The following SMAP2 variants were observed in gnomAD, a reference collection of about 807,000 sequenced individuals.
SMAP2 encodes small ArfGAP2, also known as stromal membrane-associated protein 2.
SMAP2 carries 25 observed loss-of-function variants against 56.4 expected under a neutral mutation model. That is an observed-to-expected ratio of 0.44 (90% CI 0.32 to 0.62). The LOEUF is 0.62. Among genes scored for constraint, SMAP2 ranks in the 20% least tolerant of loss-of-function variants. The pLI is 0.04. For missense variants in SMAP2, 388 were observed against 545.6 expected, an observed-to-expected ratio of 0.71 and a Z score of 2.88; for synonymous variants, 157 against 181.7, an observed-to-expected ratio of 0.86 and a Z score of 1.09.
chr1:40,416,634 G>A, intron 8 of SMAP2, 146 bp from the exon 9 acceptor site: 2 of 889,056 alleles, frequency 2.2e-6, no homozygotes, highest in South Asian at 1.8e-5. Flanking sequence ...GGCCTCGTAG[G>A]GACTCTAACT....
At chr1:40,348,193 A>G (rs947473740) in intron 1 of SMAP2, among the ~76,000 whole-genome samples, 5 of 152,216 alleles carry the variant, frequency 3.3e-5, no homozygotes, top group African/African-American at 9.6e-5. Context: ...GTATTCAACT[A>G]TAATTATTGC....
intron 1 of SMAP2, among the ~76,000 whole-genome samples, chr1:40,389,220 C>T (rs567638544): frequency 6.6e-6 from 1 of 152,336 alleles, no homozygotes; most frequent in South Asian, 2.1e-4. Flanking sequence ...GTTGTTCATA[C>T]AGTCCTCATT....
intron 1 of SMAP2, among the ~76,000 whole-genome samples, chr1:40,358,691 T>A (rs537027865): frequency 6.6e-6 from 1 of 152,334 alleles, no homozygotes; most frequent in South Asian, 2.1e-4. Flanking sequence ...GAGAAGAATA[T>A]GTATTCCGCA....
chr1:40,366,480 C>T (rs1163534137), intron 2 of SMAP2, among the ~76,000 whole-genome samples: 1 of 123,156 alleles, frequency 8.1e-6, no homozygotes, highest in Non-Finnish European at 1.7e-5. Context: ...CAAAGGGAAG[C>T]CCATCAGACT....
At chr1:40,345,500 T>A (rs1342632940) in intron 1 of SMAP2, among the ~76,000 whole-genome samples, 1 of 152,080 alleles carries the variant, frequency 6.6e-6, no homozygotes, top group Non-Finnish European at 1.5e-5. Context: ...TTTTCTTTTT[T>A]TTTGAGATAG....
chr1:40,413,454 T>C (rs945265040), intron 5 of SMAP2, among the ~76,000 whole-genome samples: 1 of 152,262 alleles, frequency 6.6e-6, no homozygotes, highest in Non-Finnish European at 1.5e-5. Context: ...CTGTATCCCA[T>C]TTTCTGATTT....
intron 1 of SMAP2, among the ~76,000 whole-genome samples, chr1:40,375,468 A>G (rs1402312593): frequency 2.0e-5 from 3 of 152,196 alleles, no homozygotes; most frequent in Non-Finnish European, 2.9e-5. Context: ...ATAAAAGGAG[A>G]ACAGGGGAGG....
At chr1:40,379,526 TA>T (rs1166878110) in intron 1 of SMAP2, among the ~76,000 whole-genome samples, 1 of 151,496 alleles carries the variant, frequency 6.6e-6, no homozygotes, top group Admixed American at 6.6e-5. Flanking sequence ...AAGCTATTCT[TA>T]AATGATTTGG....
At chr1:40,384,870 G>C (rs1448593017) in intron 1 of SMAP2, among the ~76,000 whole-genome samples, 1 of 152,110 alleles carries the variant, frequency 6.6e-6, no homozygotes, top group African/African-American at 2.4e-5. Flanking sequence ...CAACTTAAGA[G>C]GTCCATCTAT....
chr1:40,413,917 G>A (rs1425169342), intron 5 of SMAP2: 3 of 427,858 alleles, frequency 7.0e-6, no homozygotes, highest in Non-Finnish European at 1.3e-5. Flanking sequence ...AGAAAGATCT[G>A]TCTCTTTAGG....
chr1:40,358,644 C>T (rs1644447132), intron 1 of SMAP2, among the ~76,000 whole-genome samples: 1 of 152,182 alleles, frequency 6.6e-6, no homozygotes, highest in South Asian at 2.1e-4. Flanking sequence ...TATGGCCTAA[C>T]ATATACTCTA....
intron 1 of SMAP2, among the ~76,000 whole-genome samples, chr1:40,387,105 G>A (rs781427597): frequency 6.6e-6 from 1 of 152,030 alleles, no homozygotes; most frequent in South Asian, 2.1e-4. Context: ...TGCCTGCCTC[G>A]GCCTGCCGGA....
chr1:40,349,208 A>T (rs549016956), intron 1 of SMAP2, among the ~76,000 whole-genome samples: 1 of 152,072 alleles, frequency 6.6e-6, no homozygotes, highest in South Asian at 2.1e-4. Flanking sequence ...TTGGTTGCTG[A>T]TGTTGTGAAG....
At chr1:40,381,075 T>C (rs561920664) in intron 1 of SMAP2, among the ~76,000 whole-genome samples, 2 of 152,370 alleles carry the variant, frequency 1.3e-5, no homozygotes, top group Non-Finnish European at 2.9e-5. Flanking sequence ...TGAGAGATAC[T>C]TTCCTATTTG....
chr1:40,419,162 C>T (rs763198521), intron 9 of SMAP2, among the ~76,000 whole-genome samples: 2 of 151,786 alleles, frequency 1.3e-5, no homozygotes, highest in Non-Finnish European at 2.9e-5. Flanking sequence ...AACCAAATCA[C>T]GGAAGCTTGA....
intron 1 of SMAP2, among the ~76,000 whole-genome samples, chr1:40,391,634 G>A (rs886735062): frequency 6.6e-6 from 1 of 152,074 alleles, no homozygotes; most frequent in Non-Finnish European, 1.5e-5. Flanking sequence ...AAAATTCCTC[G>A]TCAAAGTGGT....
intron 1 of SMAP2, among the ~76,000 whole-genome samples, chr1:40,396,164 T>A (rs192205314): frequency 6.6e-6 from 1 of 152,320 alleles, no homozygotes; most frequent in East Asian, 1.9e-4. Context: ...TACTTTGATA[T>A]ATTATATAAG....
At chr1:40,365,164 A>G (rs766172662) in intron 2 of SMAP2, 1 of 149,406 alleles carries the variant, frequency 6.7e-6, no homozygotes, top group East Asian at 2.2e-4. Context: ...CACCGTGGGC[A>G]AGCCCACGTG....
intron 1 of SMAP2, among the ~76,000 whole-genome samples, chr1:40,388,921 A>G (rs537672375): frequency 6.6e-6 from 1 of 151,682 alleles, no homozygotes; most frequent in East Asian, 1.9e-4. Flanking sequence ...AGGAACGAAC[A>G]ATTCCAGACG....
Sources: gnomAD v4.1 joint callset for allele counts (sites outside exome capture counted in the v4.1 genomes callset) on GRCh38, gnomAD v4.1.1 for gene constraint, MANE v1.5 for transcripts, NCBI Gene and HGNC (gene_info 2026-07-23, HGNC 2026-07-21) for gene names.